LYST: variants seen among roughly 807,000 people sequenced by gnomAD.
LYST encodes lysosomal-trafficking regulator.
LYST carries 192 observed loss-of-function variants against 413.6 expected under a neutral mutation model. The observed-to-expected ratio is 0.46, with a 90% CI of 0.41 to 0.52. The LOEUF (loss-of-function observed/expected upper bound fraction) is 0.52, where lower values mean the gene tolerates loss of function less well. Among genes scored for constraint, LYST ranks in the 20% least tolerant of loss-of-function variants. The probability of loss-of-function intolerance (pLI) is 0.00; values close to 1 mark genes in which losing one functional copy is unlikely to be tolerated. For synonymous variants in LYST, 1,525 were observed against 1,567.3 expected, an observed-to-expected ratio of 0.97 and a Z score of 0.64; for missense variants, 3,815 against 4,499.9, an observed-to-expected ratio of 0.85 and a Z score of 4.35.
chr1:235,851,586 T>C (rs1678549938), intron 1 of LYST, among the ~76,000 whole-genome samples: 1 of 151,842 alleles, frequency 6.6e-6, no homozygotes, highest in South Asian at 2.1e-4. Context: ...AAAGGTTTAT[T>C]GGCAAAAAAA....
In LYST at chr1:235,830,171, C is replaced by G. The variant is rs779958988; in HGVS notation, c.192+55G>C. ...AACTATGTAATCCAAAACCATGTAGCTACAGTTAACTATCATATATTGATG... is the reference window on the plus strand; with the variant it reads ...AACTATGTAATCCAAAACCATGTAGGTACAGTTAACTATCATATATTGATG... On this transcript the variant is annotated intron_variant, in intron 3 of 52. Coordinates refer to ENST00000389793, the MANE Select transcript of LYST (RefSeq NM_000081.4). 58 of 1,327,868 alleles carry G rather than the reference C, an allele frequency of 4.4e-5. No homozygotes were observed. In the East Asian group the frequency reaches 1.3e-3, roughly 30 times the overall value. 82.3% of individuals were successfully genotyped at this position (1,327,868 alleles called of 1,614,324 possible).
At position 235,849,775 on chromosome 1, in the gene LYST, C is replaced by CA. The variant is rs57262471; in HGVS notation, c.-97-16109dup. 8.1e-3 allele frequency among the ~76,000 whole-genome samples: 496 copies of CA among 61,336 alleles called. 1 individual carries two copies. Among genetic ancestry groups the CA allele is most frequent in the East Asian group, 0.023 (33 of 1,466 alleles). 40.2% of individuals were successfully genotyped at this position (61,336 alleles called of 152,430 possible). A position where few individuals can be genotyped will look rare whatever the true frequency, so the allele number is the denominator to read the frequency against. ...AACTCAACCCCTTTTACAATAGCTC[C>CA]AAAAAAAAAAAAAAAAAAAAAAACT... is the stretch of plus-strand genomic sequence containing the variant. On this transcript the variant is annotated intron_variant, in intron 1 of 52. Transcript: ENST00000389793.
chr1:235,698,037 A>T (rs1167380163), intron 45 of LYST, among the ~76,000 whole-genome samples: 1 of 152,202 alleles, frequency 6.6e-6, no homozygotes, highest in Non-Finnish European at 1.5e-5. Context: ...AAAATGAAGA[A>T]GAAAAGACAT....
chr1:235,781,083 A>T lies in LYST; in HGVS notation c.5024-28T>A, dbSNP rs1405584483. On this transcript the variant is annotated intron_variant, in intron 15 of 52. Coordinates refer to ENST00000389793, the MANE Select transcript of LYST (RefSeq NM_000081.4). ...GAATAGCAGAAAAATAAAGTTAGTT[A>T]TTTAAAACACCCTAACCAGAATTTT... 4 of 1,423,706 alleles carry T rather than the reference A, an allele frequency of 2.8e-6. No individual in the cohort carries two copies. The Admixed American group carries it at 5.1e-5, about 18-fold the overall frequency. The allele number at this position is 1,423,706 out of a possible 1,614,324, so 88.2% of individuals were successfully genotyped here.
rs1664057774 is a variant in LYST at position 235,728,140 on chromosome 1, A to G, written c.9107-9T>C. 6.2e-7 allele frequency: 1 copy of G among 1,603,588 alleles called. No individual in the cohort carries two copies. Among genetic ancestry groups the G allele is most frequent in the Non-Finnish European group, 8.5e-7 (1 of 1,170,630 alleles). On this transcript the variant is annotated splice_polypyrimidine_tract_variant and intron_variant, in intron 37 of 52. Coordinates refer to ENST00000389793, the MANE Select transcript of LYST (RefSeq NM_000081.4). ...ATACATTCCACATTTACCTGCAGAA[A>G]GTAATTGGATATAAGGGTTTTAAAA...
chr1:235,673,484 C>A (rs925840299), intron 50 of LYST, among the ~76,000 whole-genome samples: 2 of 151,996 alleles, frequency 1.3e-5, no homozygotes, highest in Admixed American at 1.3e-4. Context: ...GTTTAGACCA[C>A]CAAAAATCAA....
chr1:235,769,672 C>T (rs779606723), intron 20 of LYST, among the ~76,000 whole-genome samples: 23 of 151,910 alleles, frequency 1.5e-4, no homozygotes, highest in African/African-American at 3.9e-4. Flanking sequence ...ACTAAAAGGG[C>T]CACAGCATAG....
At chr1:235,882,410 T>C (rs1407741543) in intron 1 of LYST, among the ~76,000 whole-genome samples, 1 of 152,164 alleles carries the variant, frequency 6.6e-6, no homozygotes, top group Non-Finnish European at 1.5e-5. Context: ...CTTTATTCCA[T>C]AGGTACTGGG....
At chr1:235,838,527 T>A (rs1676824969) in intron 1 of LYST, among the ~76,000 whole-genome samples, 1 of 152,212 alleles carries the variant, frequency 6.6e-6, no homozygotes, top group African/African-American at 2.4e-5. Flanking sequence ...TATTTGAAAA[T>A]CTTTAAAAAT....
At chr1:235,830,482 T>C in intron 2 of LYST, 58 bp from the exon 3 acceptor site, 2 of 1,310,544 alleles carry the variant, frequency 1.5e-6, no homozygotes, top group Non-Finnish European at 1.1e-6. Flanking sequence ...AATTTACTTT[T>C]AAAACTATGT....
intron 47 of LYST, among the ~76,000 whole-genome samples, chr1:235,692,092 G>C (rs1660707007): frequency 6.6e-6 from 1 of 151,234 alleles, no homozygotes; most frequent in Non-Finnish European, 1.5e-5. Context: ...CAGCACTTTG[G>C]GAGGCTGAGG....
intron 1 of LYST, among the ~76,000 whole-genome samples, chr1:235,853,567 C>A (rs1269657173): frequency 2.6e-5 from 4 of 151,858 alleles, no homozygotes; most frequent in African/African-American, 9.7e-5. Flanking sequence ...ACAGCAATGG[C>A]CCAGAAAGGT....
chr1:235,734,476 G>A lies in LYST; in HGVS notation c.8535+7C>T, dbSNP rs886046173. ...CCTAAGAAAGTACTATGGTTTCATT[G>A]ACTCACCTCTTTGATCATTTTAATA... On this transcript the variant is annotated splice_region_variant and intron_variant, in intron 32 of 52. Transcript: ENST00000389793. 1.2e-6 allele frequency: 2 copies of A among 1,611,038 alleles called. No homozygotes were observed. Among genetic ancestry groups the A allele is most frequent in the Non-Finnish European group, 1.7e-6 (2 of 1,177,396 alleles).
intron 3 of LYST, among the ~76,000 whole-genome samples, chr1:235,823,959 T>C (rs1378830893): frequency 6.6e-6 from 1 of 152,226 alleles, no homozygotes; most frequent in African/African-American, 2.4e-5. Context: ...CCATAGTAGG[T>C]ACTTAATGGT....
intron 3 of LYST, among the ~76,000 whole-genome samples, chr1:235,826,459 C>G (rs1313628781): frequency 1.3e-5 from 2 of 152,138 alleles, no homozygotes; most frequent in Non-Finnish European, 2.9e-5. Context: ...AAGTAGTGAA[C>G]TACTGAATTA....
intron 20 of LYST, among the ~76,000 whole-genome samples, chr1:235,769,355 T>A (rs555556165): frequency 5.3e-5 from 8 of 152,168 alleles, no homozygotes; most frequent in Non-Finnish European, 7.4e-5. Context: ...GCTAGAATGG[T>A]AGCCAGATCA....
At position 235,693,262 on chromosome 1, in the gene LYST, G is replaced by A. The variant is rs555616788; in HGVS notation, c.10701+88C>T. On this transcript the variant is annotated intron_variant, in intron 47 of 52. Coordinates refer to ENST00000389793, the MANE Select transcript of LYST (RefSeq NM_000081.4). ...AGCCGGGAGGTGGAGCTTGCAGTGAGCCAAGATGTGTCACTGCGCTCCAGC... is the reference window on the plus strand; with the variant it reads ...AGCCGGGAGGTGGAGCTTGCAGTGAACCAAGATGTGTCACTGCGCTCCAGC... The A allele has an allele frequency of 1.2e-5, 12 of 995,562 alleles. No homozygotes were observed. In the East Asian group the frequency reaches 1.8e-4, roughly 15 times the overall value. 61.7% of individuals were successfully genotyped at this position (995,562 alleles called of 1,614,324 possible).
At chr1:235,773,775 A>T in intron 19 of LYST, 67 bp downstream of exon 19, 13 of 1,301,524 alleles carry the variant, frequency 1.0e-5, no homozygotes, top group Non-Finnish European at 1.4e-5. Context: ...AATGCTTAAG[A>T]TGGTAAATTT....
chr1:235,693,315 A>C, intron 47 of LYST, 35 bp downstream of exon 47: 1 of 1,500,548 alleles, frequency 6.7e-7, no homozygotes, highest in Non-Finnish European at 9.2e-7. Context: ...ACTCCGTCTT[A>C]AAAATAAATA....
Sources: gnomAD v4.1 joint callset for allele counts (sites outside exome capture counted in the v4.1 genomes callset) on GRCh38, gnomAD v4.1.1 for gene constraint, MANE v1.5 for transcripts, NCBI Gene and HGNC (gene_info 2026-07-23, HGNC 2026-07-21) for gene names.